The following HOXA2 variants were observed in gnomAD, a reference collection of about 807,000 sequenced individuals.
HOXA2 encodes homeobox protein Hox-A2.
Under a neutral mutation model 27.2 loss-of-function variants are expected in HOXA2, and 4 were observed. The observed-to-expected ratio is 0.15, with a 90% CI of 0.07 to 0.34. The LOEUF (loss-of-function observed/expected upper bound fraction) is 0.34. HOXA2 is among the 10% of genes least tolerant of loss of function. The probability of loss-of-function intolerance (pLI) is 1.00; values close to 1 mark genes in which losing one functional copy is unlikely to be tolerated. For missense variants in HOXA2, 430 were observed against 473.2 expected (o/e 0.91, Z 0.85); for synonymous variants, 200 against 202.8 (o/e 0.99, Z 0.12).
In HOXA2 at chr7:27,102,243, G is replaced by A. The variant is rs772408547; in HGVS notation, c.258C>T (p.Pro86=). The A allele has an allele frequency of 1.4e-5, 21 of 1,470,084 alleles. 1 individual carries two copies. In the South Asian group the frequency reaches 2.9e-4, roughly 20 times the overall value. 91.1% of individuals were successfully genotyped at this position (1,470,084 alleles called of 1,614,324 possible). Residue 86 remains proline, a synonymous_variant, in exon 1 of 2, where the codon CCC becomes CCT. Coordinates refer to ENST00000222718, the MANE Select transcript of HOXA2 (RefSeq NM_006735.4). This position sits in a 1 kb window ranked among gnomAD's most constrained non-coding sequence, Gnocchi z 4.6. ...SPAGSRGSPV[P]AGALQPPEYP... ...ACTCGGGCGGCTGCAGGGCGCCGGCGGGCACCGGGCTGCCGCGGCTGCCCG... is the reference window on the plus strand; with the variant it reads ...ACTCGGGCGGCTGCAGGGCGCCGGCAGGCACCGGGCTGCCGCGGCTGCCCG...
In HOXA2 at chr7:27,100,842, C is replaced by T; in HGVS notation, c.1015G>A (p.Ala339Thr). The change falls in exon 2 of 2, where the codon GCA (alanine) becomes ACA (threonine). Residue 339 changes from alanine (A) to threonine (T), a missense_variant. Ala to Thr is a moderately conservative substitution (Grantham distance 58). Around this residue, in one of 4 missense-constraint regions of HOXA2, gnomAD observed 236 missense variants for 208.5 expected, o/e 1.13. Coordinates refer to ENST00000222718, the MANE Select transcript of HOXA2 (RefSeq NM_006735.4). Reference sequence around the variant, plus strand: ...GAACCTGGCAAACTGGGTGAAACTGCATCTGAAAGCTGCAGGCAGGAATCT... The same window carrying T: ...GAACCTGGCAAACTGGGTGAAACTGTATCTGAAAGCTGCAGGCAGGAATCT... ...STDSCLQLSDAVSPSLPGSLD... is the reference protein window; with the variant it reads ...STDSCLQLSDTVSPSLPGSLD... 6.2e-7 allele frequency: 1 copy of T among 1,614,236 alleles called. No individual in the cohort carries two copies. Among genetic ancestry groups the T allele is most frequent in the Non-Finnish European group, 8.5e-7 (1 of 1,180,052 alleles).
Position 27,102,043 on chromosome 7 carries a change from C to T in HOXA2, c.391+67G>A. On this transcript the variant is annotated intron_variant, in intron 1 of 1. Transcript: ENST00000222718. This position sits in a 1 kb window ranked among gnomAD's most constrained non-coding sequence, Gnocchi z 4.6. ...AGCCCACTCTCCCCTCCCCCCACAGCCACTCTCGGGGCAGCCCGGAGAAGG... is the reference window on the plus strand; with the variant it reads ...AGCCCACTCTCCCCTCCCCCCACAGTCACTCTCGGGGCAGCCCGGAGAAGG... The T allele has an allele frequency of 6.3e-7, 1 of 1,589,862 alleles. No homozygotes were observed. The highest frequency in any genetic ancestry group is 8.5e-7 in the Non-Finnish European group (1 of 1,170,152).
rs755775462 is a variant in HOXA2 at position 27,101,432 on chromosome 7, C to T, written c.425G>A (p.Gly142Glu). The T allele has an allele frequency of 6.1e-5, 97 of 1,600,720 alleles. No homozygotes were observed. Among genetic ancestry groups the T allele is most frequent in the Non-Finnish European group, 1.8e-5 (21 of 1,179,960 alleles). ...SLEIADGSGG[G>E]SRRLRTAYTN... Reference sequence around the variant, plus strand: ...GTAAGCAGTTCTCAGGCGCCGCGATCCCCCGCCGCTGCCATCGGCGATTTC... The same window carrying T: ...GTAAGCAGTTCTCAGGCGCCGCGATTCCCCGCCGCTGCCATCGGCGATTTC... Residue 142 changes from glycine to glutamate, a missense_variant, in exon 2 of 2, where the codon GGA (glycine) becomes GAA (glutamate). Gly to Glu is a moderately conservative substitution (Grantham distance 98, BLOSUM62 -2). Coordinates refer to ENST00000222718, the MANE Select transcript of HOXA2 (RefSeq NM_006735.4).
chr7:27,102,025 T>C lies in HOXA2; in HGVS notation c.391+85A>G, dbSNP rs1232647387. On this transcript the variant is annotated intron_variant, in intron 1 of 1. Transcript: ENST00000222718. This position sits in a 1 kb window ranked among gnomAD's most constrained non-coding sequence, Gnocchi z 4.6. Reference sequence around the variant, plus strand: ...CTCTCCTCCTTCTCTCCCAGCCCACTCTCCCCTCCCCCCACAGCCACTCTC... The same window carrying C: ...CTCTCCTCCTTCTCTCCCAGCCCACCCTCCCCTCCCCCCACAGCCACTCTC... The C allele has an allele frequency of 6.4e-7, 1 of 1,558,722 alleles. No individual in the cohort carries two copies. Among genetic ancestry groups the C allele is most frequent in the Non-Finnish European group, 8.7e-7 (1 of 1,151,806 alleles).
At chr7:27,101,493 A>T (rs1296723480) in intron 1 of HOXA2, 28 bp from the exon 2 acceptor site, 2 of 1,598,694 alleles carry the variant, frequency 1.3e-6, no homozygotes, top group Non-Finnish European at 1.7e-6. Flanking sequence ...AACAAGAGAC[A>T]CACGCACAGT....
Position 27,100,614 on chromosome 7 carries a change from G to T in HOXA2, c.*112C>A. 8.8e-7 allele frequency: 1 copy of T among 1,136,106 alleles called. No homozygotes were observed. The highest frequency in any genetic ancestry group is 1.3e-6 in the Non-Finnish European group (1 of 760,948). The allele number at this position is 1,136,106 out of a possible 1,614,324, so 70.4% of individuals were successfully genotyped here. A position where few individuals can be genotyped will look rare whatever the true frequency, so the allele number is the denominator to read the frequency against. ...AGAAAATCCTCAACACTTAAAGGAG[G>T]GAAGGGGTAGGTCAAGAAGAAAATA... On this transcript the variant is annotated 3_prime_UTR_variant, in exon 2 of 2. Transcript: ENST00000222718.
At position 27,100,557 on chromosome 7, in the gene HOXA2, C is replaced by T; in HGVS notation, c.*169G>A. 3 of 698,240 alleles carry T rather than the reference C, an allele frequency of 4.3e-6. No individual in the cohort carries two copies. The highest frequency in any genetic ancestry group is 7.2e-6 in the Non-Finnish European group (3 of 414,144). 43.3% of individuals were successfully genotyped at this position (698,240 alleles called of 1,614,324 possible). A position where few individuals can be genotyped will look rare whatever the true frequency, so the allele number is the denominator to read the frequency against. On this transcript the variant is annotated 3_prime_UTR_variant, in exon 2 of 2. Coordinates refer to ENST00000222718, the MANE Select transcript of HOXA2 (RefSeq NM_006735.4). Reference sequence around the variant, plus strand: ...CCAAAATAATCTGTAAAAGATGGCTCTGTTTGAAACTGGGTCAGGGAATCA... The same window carrying T: ...CCAAAATAATCTGTAAAAGATGGCTTTGTTTGAAACTGGGTCAGGGAATCA...
rs904619825 is a variant in HOXA2, at chr7:27,102,231, C to T, written c.270G>A (p.Leu90=). 95 of 1,498,296 alleles carry T rather than the reference C, an allele frequency of 6.3e-5. No homozygotes were observed. Among genetic ancestry groups the T allele is most frequent in the Non-Finnish European group, 8.0e-5 (90 of 1,124,730 alleles). The allele number at this position is 1,498,296 out of a possible 1,614,324, so 92.8% of individuals were successfully genotyped here. The change falls in exon 1 of 2, where the codon CTG becomes CTA. Residue 90 remains leucine (L), a synonymous_variant. Transcript: ENST00000222718. The surrounding 1 kb of genome is among the most constrained non-coding windows in gnomAD (Gnocchi z 4.6). ...SRGSPVPAGA[L]QPPEYPWMKE... is the part of the protein sequence containing the mutation. ...TCATCCAGGGGTACTCGGGCGGCTGCAGGGCGCCGGCGGGCACCGGGCTGC... is the reference window on the plus strand; with the variant it reads ...TCATCCAGGGGTACTCGGGCGGCTGTAGGGCGCCGGCGGGCACCGGGCTGC...
Position 27,100,476 on chromosome 7 carries a change from C to CTGCT in HOXA2, c.*246_*249dup, listed in dbSNP as rs1783906720. 1.9e-6 allele frequency: 1 copy of CTGCT among 521,196 alleles called. No homozygotes were observed. The highest frequency in any genetic ancestry group is 3.4e-6 in the Non-Finnish European group (1 of 291,084). The allele number at this position is 521,196 out of a possible 1,614,324, so 32.3% of individuals were successfully genotyped here. On this transcript the variant is annotated 3_prime_UTR_variant, in exon 2 of 2. Transcript: ENST00000222718. ...TGATCACTTTCTTGCAGGCCTCATA[C>CTGCT]TGCTCTCAGGAATCACATAAAGGGT...
chr7:27,100,625 G>T lies in HOXA2; in HGVS notation c.*101C>A. The T allele has an allele frequency of 7.6e-7, 1 of 1,319,906 alleles. No individual in the cohort carries two copies. The highest frequency in any genetic ancestry group is 1.1e-6 in the Non-Finnish European group (1 of 921,212). 81.8% of individuals were successfully genotyped at this position (1,319,906 alleles called of 1,614,324 possible). A position where few individuals can be genotyped will look rare whatever the true frequency, so the allele number is the denominator to read the frequency against. ...AACACTTAAAGGAGGGAAGGGGTAG[G>T]TCAAGAAGAAAATAAAAAATAAACT... On this transcript the variant is annotated 3_prime_UTR_variant, in exon 2 of 2. Coordinates refer to ENST00000222718, the MANE Select transcript of HOXA2 (RefSeq NM_006735.4).
At position 27,101,082 on chromosome 7, in the gene HOXA2, G is replaced by A; in HGVS notation, c.775C>T (p.Gln259Ter). 6.2e-7 allele frequency: 1 copy of A among 1,614,098 alleles called. No individual in the cohort carries two copies. The highest frequency in any genetic ancestry group is 8.5e-7 in the Non-Finnish European group (1 of 1,180,046). Residue 259 changes from glutamine to a stop codon, truncating the protein, a stop_gained, in exon 2 of 2, where the codon CAG becomes TAG. Transcript: ENST00000222718. LOFTEE classifies it high-confidence loss of function. ...CCATTGTGTCCATTGGGAGCCTGCT[G>A]CTGAGAGAGGGCATTTTGCTGAAAA... is the stretch of plus-strand genomic sequence containing the variant. ...YTFQQNALSQ[Q>*]QAPNGHNGDS...
rs1197908404 is a variant in HOXA2 at position 27,101,469 on chromosome 7, C to T, written c.392-4G>A. The T allele has an allele frequency of 1.3e-6, 2 of 1,599,620 alleles. No individual in the cohort carries two copies. Among genetic ancestry groups the T allele is most frequent in the South Asian group, 2.2e-5 (2 of 91,062 alleles). On this transcript the variant is annotated splice_polypyrimidine_tract_variant and splice_region_variant and intron_variant, in intron 1 of 1. Transcript: ENST00000222718. ...CCATCGGCGATTTCCAGGGATTCTG[C>T]GGAAAGGGAAACCAACAAGAGACAC...
At chr7:27,101,823 G>A in intron 1 of HOXA2, 1 of 695,174 alleles carries the variant, frequency 1.4e-6, no homozygotes. Context: ...CAACTAGACA[G>A]GAGGAGGTCA....
rs750383763 is a variant in HOXA2, at chr7:27,101,785, A to G, written c.392-320T>C. 8.7e-6 allele frequency: 6 copies of G among 686,056 alleles called. No individual in the cohort carries two copies. In the South Asian group the frequency reaches 9.0e-5, roughly 10 times the overall value. 42.5% of individuals were successfully genotyped at this position (686,056 alleles called of 1,614,324 possible). ...GAGCAAGAGCGATCTATCACTCTTC[A>G]TTACTGTCAAAAAGCCAAACTCTAG... On this transcript the variant is annotated intron_variant, in intron 1 of 1. Transcript: ENST00000222718.
In HOXA2 at chr7:27,102,030, C is replaced by A; in HGVS notation, c.391+80G>T. On this transcript the variant is annotated intron_variant, in intron 1 of 1. Transcript: ENST00000222718. This position sits in a 1 kb window ranked among gnomAD's most constrained non-coding sequence, Gnocchi z 4.6. ...CTCCTTCTCTCCCAGCCCACTCTCC[C>A]CTCCCCCCACAGCCACTCTCGGGGC... is the stretch of plus-strand genomic sequence containing the variant. 1 of 1,570,040 alleles carries A rather than the reference C, an allele frequency of 6.4e-7. No homozygotes were observed. The highest frequency in any genetic ancestry group is 1.1e-5 in the South Asian group (1 of 87,100).
At position 27,100,444 on chromosome 7, in the gene HOXA2, A is replaced by C; in HGVS notation, c.*282T>G. 2.4e-6 allele frequency: 1 copy of C among 416,990 alleles called. No homozygotes were observed. Among genetic ancestry groups the C allele is most frequent in the South Asian group, 2.8e-5 (1 of 35,536 alleles). 25.8% of individuals were successfully genotyped at this position (416,990 alleles called of 1,614,324 possible). A position where few individuals can be genotyped will look rare whatever the true frequency, so the allele number is the denominator to read the frequency against. On this transcript the variant is annotated 3_prime_UTR_variant, in exon 2 of 2. Coordinates refer to ENST00000222718, the MANE Select transcript of HOXA2 (RefSeq NM_006735.4). ...AAAAATAAAAAGAAAGTGAAGATACAATTATATGATCACTTTCTTGCAGGC... is the reference window on the plus strand; with the variant it reads ...AAAAATAAAAAGAAAGTGAAGATACCATTATATGATCACTTTCTTGCAGGC...
chr7:27,102,128 C>T lies in HOXA2; in HGVS notation c.373G>A (p.Ala125Thr). 6.2e-7 allele frequency: 1 copy of T among 1,602,604 alleles called. No individual in the cohort carries two copies. The highest frequency in any genetic ancestry group is 8.5e-7 in the Non-Finnish European group (1 of 1,175,356). ...AAATAAATGP[A>T]CLSHKESLEI... ...GACTGACCTTTGTGGCTGAGGCAAG[C>T]AGGGCCGGTGGCTGCGGCGGTGGCG... is the stretch of plus-strand genomic sequence containing the variant. The change falls in exon 1 of 2, where the codon GCT becomes ACT. Residue 125 changes from alanine (A) to threonine (T), a missense_variant. This residue lies in a region of HOXA2 where 166 missense variants were observed against 207.6 expected (regional missense o/e 0.80). Coordinates refer to ENST00000222718, the MANE Select transcript of HOXA2 (RefSeq NM_006735.4). The surrounding 1 kb of genome is among the most constrained non-coding windows in gnomAD (Gnocchi z 4.6).
In HOXA2 at chr7:27,102,627, TG is replaced by T; in HGVS notation, c.-128del. ...CTATCATAGAATATCGCTGCTAGGG[TG>T]TTTTTTTTCTAATTCACTGATTACA... On this transcript the variant is annotated 5_prime_UTR_variant, in exon 1 of 2. Transcript: ENST00000222718. The surrounding 1 kb of genome is among the most constrained non-coding windows in gnomAD (Gnocchi z 4.6). 1 of 908,178 alleles carries T rather than the reference TG, an allele frequency of 1.1e-6. No homozygotes were observed. The highest frequency in any genetic ancestry group is 2.6e-5 in the East Asian group (1 of 38,316). 56.3% of individuals were successfully genotyped at this position (908,178 alleles called of 1,614,324 possible). A position where few individuals can be genotyped will look rare whatever the true frequency, so the allele number is the denominator to read the frequency against.
In HOXA2 at chr7:27,100,771, A is replaced by ATT. The variant is rs1389403163; in HGVS notation, c.1085_1086insAA (p.Phe362LeufsTer14). On this transcript the variant is annotated frameshift_variant, in exon 2 of 2. Transcript: ENST00000222718. ...AGTCGATTGTGGTGAGTGTGTCTGT[A>ATT]AAAAAGTCTAAGCTGTCAGCTGAAA... 1.9e-6 allele frequency: 3 copies of ATT among 1,614,164 alleles called. No homozygotes were observed. The highest frequency in any genetic ancestry group is 1.7e-6 in the Non-Finnish European group (2 of 1,180,000).
Sources: allele counts gnomAD v4.1 joint callset, GRCh38; gene constraint gnomAD v4.1.1; regional missense constraint gnomAD v4.1.1; non-coding constraint Gnocchi (gnomAD v3.1); transcripts MANE v1.5; gene names NCBI Gene and HGNC (gene_info 2026-07-23, HGNC 2026-07-21).